ABCA4: variants seen among roughly 807,000 people sequenced by gnomAD.
ABCA4 encodes the protein ATP binding cassette subfamily A member 4.
A neutral mutation model predicts 263.7 loss-of-function variants in ABCA4; 196 were observed. That is an observed-to-expected ratio of 0.74 (90% CI 0.66 to 0.84). ABCA4 has a LOEUF of 0.84. Ranked by LOEUF, ABCA4 falls within the 40% of genes least tolerant of loss-of-function variation. The probability of loss-of-function intolerance (pLI) is 0.00; values close to 1 mark genes in which losing one functional copy is unlikely to be tolerated. For missense variants in ABCA4, 2,792 were observed against 2,855.1 expected (o/e 0.98, Z 0.50); for synonymous variants, 1,133 against 1,094.2 (o/e 1.04, Z -0.70).
intron 26 of ABCA4, 90 bp from the exon 27 acceptor site, chr1:94,032,133 T>A: frequency 6.7e-7 from 1 of 1,500,334 alleles, no homozygotes; most frequent in Non-Finnish European, 9.1e-7. Context: ...CAGCATTGAT[T>A]TTCCTCTTCA....
chr1:94,105,475 G>A (rs575653549), intron 4 of ABCA4, among the ~76,000 whole-genome samples: 2 of 152,312 alleles, frequency 1.3e-5, no homozygotes, highest in South Asian at 4.1e-4. Context: ...GGGGGCCCAG[G>A]TGAAGAGGAG....
intron 36 of ABCA4, among the ~76,000 whole-genome samples, chr1:94,017,064 G>T (rs1055846144): frequency 1.3e-5 from 2 of 152,064 alleles, no homozygotes; most frequent in Non-Finnish European, 2.9e-5. Flanking sequence ...GATAGTCTTG[G>T]ATCATAGTCC....
chr1:94,110,500 C>T (rs1339092982), intron 3 of ABCA4, among the ~76,000 whole-genome samples: 10 of 152,284 alleles, frequency 6.6e-5, no homozygotes, highest in South Asian at 2.1e-4. Context: ...TTATACAGGT[C>T]GGGTAAAGCC....
At chr1:94,116,303 G>A (rs1305978545) in intron 1 of ABCA4, among the ~76,000 whole-genome samples, 1 of 151,690 alleles carries the variant, frequency 6.6e-6, no homozygotes, top group Non-Finnish European at 1.5e-5. Context: ...CATCACCCCT[G>A]TTGATTAGGT....
intron 4 of ABCA4, among the ~76,000 whole-genome samples, chr1:94,107,215 C>T (rs1662457812): frequency 1.3e-5 from 2 of 152,156 alleles, no homozygotes; most frequent in Admixed American, 1.3e-4. Flanking sequence ...AGTCAACTCC[C>T]TAATCCTAGG....
chr1:94,040,236 G>A, intron 23 of ABCA4, 109 bp from the exon 24 acceptor site: 4 of 875,996 alleles, frequency 4.6e-6, no homozygotes, highest in Non-Finnish European at 7.4e-6. Flanking sequence ...TCACTGCCAA[G>A]TGTAGTCAAC....
At chr1:94,018,640 T>C (rs1571256035) in intron 36 of ABCA4, 1 of 453,772 alleles carries the variant, frequency 2.2e-6, no homozygotes, top group African/African-American at 2.0e-5. Context: ...GTATATCTTA[T>C]CATCACATGA....
rs141377539 is a variant in ABCA4 at position 94,043,612 on chromosome 1, T to C, written c.3051-137A>G. The C allele has an allele frequency of 7.8e-5, 95 of 1,221,906 alleles. 1 individual carries two copies. In the East Asian group the frequency reaches 2.2e-3, roughly 29 times the overall value. The allele number at this position is 1,221,906 out of a possible 1,614,324, so 75.7% of individuals were successfully genotyped here. On this transcript the variant is annotated intron_variant, in intron 20 of 49. Transcript: ENST00000370225. Reference sequence around the variant, plus strand: ...CACTGTGGTGGTGTTTATGATACAATACAAAAATAGCAGACCCTGCTTAAA... The same window carrying C: ...CACTGTGGTGGTGTTTATGATACAACACAAAAATAGCAGACCCTGCTTAAA...
At chr1:94,112,780 G>T (rs958049594) in intron 2 of ABCA4, among the ~76,000 whole-genome samples, 193 bp downstream of exon 2, 14 of 152,234 alleles carry the variant, frequency 9.2e-5, no homozygotes, top group Non-Finnish European at 4.4e-5. Context: ...CGGCAACAGA[G>T]TGAGACCCTG....
At chr1:93,994,483 C>T (rs1658945001) in intron 49 of ABCA4, among the ~76,000 whole-genome samples, 1 of 152,212 alleles carries the variant, frequency 6.6e-6, no homozygotes, top group South Asian at 2.1e-4. Context: ...GTTGTAAATT[C>T]TCTCTAAAAC....
chr1:94,018,343 A>G (rs1438915749), intron 36 of ABCA4, among the ~76,000 whole-genome samples: 1 of 152,228 alleles, frequency 6.6e-6, no homozygotes, highest in Non-Finnish European at 1.5e-5. Flanking sequence ...CTCCTTTTAT[A>G]TTAGCATCAC....
In ABCA4 at chr1:94,014,608, T is replaced by C. The variant is rs61750574; in HGVS notation, c.5395A>G (p.Asn1799Asp). The C allele has an allele frequency of 1.9e-6, 3 of 1,614,184 alleles. No individual in the cohort carries two copies. The highest frequency in any genetic ancestry group is 2.5e-6 in the Non-Finnish European group (3 of 1,180,012). Reference sequence around the variant, plus strand: ...CTGCTGTTGATGCCGATGAACAGATTAGCACAAGATAAAGCCACATAGGCT... The same window carrying C: ...CTGCTGTTGATGCCGATGAACAGATCAGCACAAGATAAAGCCACATAGGCT... ...STAYVALSCA[N>D]LFIGINSSAI... is the part of the protein sequence containing the mutation. The change falls in exon 38 of 50, where the codon AAT (asparagine) becomes GAT (aspartate). Residue 1799 changes from asparagine to aspartate, a missense_variant. Physicochemically the swap from Asn to Asp is conservative, Grantham distance 23. Transcript: ENST00000370225.
intron 26 of ABCA4, among the ~76,000 whole-genome samples, chr1:94,032,340 T>TA (rs1327080314): frequency 2.6e-5 from 4 of 152,018 alleles, no homozygotes; most frequent in African/African-American, 9.7e-5. Flanking sequence ...ACTTGGTTAA[T>TA]AAAAAAACAA....
At chr1:94,046,473 A>AAAAAAAAAAAAAAAAAAG (rs71094277) in intron 19 of ABCA4, among the ~76,000 whole-genome samples, 4 of 120,742 alleles carry the variant, frequency 3.3e-5, no homozygotes, top group Admixed American at 9.2e-5. Context: ...AAAAAAAAAA[A>AAAAAAAAAAAAAAAAAAG]AAAGAAAAGA....
At chr1:94,120,941 T>C in intron 1 of ABCA4, 39 bp downstream of exon 1, 1 of 1,353,330 alleles carries the variant, frequency 7.4e-7, no homozygotes, top group Non-Finnish European at 1.0e-6. Flanking sequence ...GTTTATTTGC[T>C]CCACACCTCA....
chr1:94,119,118 A>G (rs1214676933), intron 1 of ABCA4, among the ~76,000 whole-genome samples: 1 of 152,162 alleles, frequency 6.6e-6, no homozygotes, highest in Non-Finnish European at 1.5e-5. Flanking sequence ...CGGTGCCTGG[A>G]GATTATTTTT....
At chr1:94,027,458 A>C (rs1660073360) in intron 30 of ABCA4, among the ~76,000 whole-genome samples, 1 of 152,212 alleles carries the variant, frequency 6.6e-6, no homozygotes, top group Non-Finnish European at 1.5e-5. Flanking sequence ...CAGCATTGAC[A>C]GCAAAGCAAA....
chr1:94,095,928 G>A (rs1206323475), intron 6 of ABCA4, among the ~76,000 whole-genome samples: 1 of 151,642 alleles, frequency 6.6e-6, no homozygotes, highest in Non-Finnish European at 1.5e-5. Flanking sequence ...GGTTAACTGA[G>A]GCCGACTACG....
chr1:94,042,703 G>GA (rs1660525215), intron 22 of ABCA4, 58 bp downstream of exon 22: 1 of 1,611,886 alleles, frequency 6.2e-7, no homozygotes, highest in Non-Finnish European at 8.5e-7. Flanking sequence ...AGAGAGTGGG[G>GA]ACCACAGCTA....
Sources: gnomAD v4.1 joint callset for allele counts (sites outside exome capture counted in the v4.1 genomes callset) on GRCh38, gnomAD v4.1.1 for gene constraint, MANE v1.5 for transcripts, NCBI Gene and HGNC (gene_info 2026-07-23, HGNC 2026-07-21) for gene names.